SSPN: variants seen among roughly 807,000 people sequenced by gnomAD.
The protein encoded by SSPN is K-ras oncogene-associated protein.
In SSPN, 15 loss-of-function variants were observed where a neutral mutation model predicts 19.1. The observed-to-expected ratio is 0.78, with a 90% CI of 0.52 to 1.21. The LOEUF is 1.21. Ranked by LOEUF, SSPN falls within the 50% of genes most tolerant of loss-of-function variation. The pLI is 0.00. For synonymous variants in SSPN, 147 were observed against 140.3 expected (o/e 1.05, Z -0.34); for missense variants, 291 against 314.0 (o/e 0.93, Z 0.55).
chr12:26,142,332 G>A (rs1016634284), intron 1 of SSPN, among the ~76,000 whole-genome samples: 23 of 152,216 alleles, frequency 1.5e-4, no homozygotes, highest in Admixed American at 1.5e-3. Context: ...CCATTTTCAA[G>A]ATGAAAGGTT....
In SSPN at chr12:26,157,428, T is replaced by C. The variant is rs147438324; in HGVS notation, c.-31+35276T>C. Among the ~76,000 whole-genome samples, 24 of 152,334 alleles carry C rather than the reference T, an allele frequency of 1.6e-4. No homozygotes were observed. In the East Asian group the frequency reaches 2.7e-3, roughly 17 times the overall value. On this transcript the variant is annotated intron_variant, in intron 1 of 2. Transcript: ENST00000538142. Reference sequence around the variant, plus strand: ...TTATACATAAGCATTTCTGAGTAAATTGGAGTGAATTAACTTTGGTCCATT... The same window carrying C: ...TTATACATAAGCATTTCTGAGTAAACTGGAGTGAATTAACTTTGGTCCATT...
chr12:26,228,324 A>G (rs1945197368), intron 2 of SSPN, among the ~76,000 whole-genome samples: 1 of 151,364 alleles, frequency 6.6e-6, no homozygotes, highest in African/African-American at 2.4e-5. Flanking sequence ...GCTTCAACCC[A>G]GGAGGCAGAA....
At chr12:26,204,595 TG>T (rs1233081062) in intron 1 of SSPN, among the ~76,000 whole-genome samples, 1 of 152,164 alleles carries the variant, frequency 6.6e-6, no homozygotes, top group African/African-American at 2.4e-5. Flanking sequence ...TGCTGTCCTG[TG>T]GGGGGTGGTG....
rs536684740 is a variant in SSPN, at chr12:26,225,135, G to T, written c.366+756G>T. On this transcript the variant is annotated intron_variant, in intron 2 of 2. Coordinates refer to ENST00000242729, the MANE Select transcript of SSPN (RefSeq NM_005086.5). ...CTTTAATCTTTTTTTTTTTAATTTG[G>T]TCCACTAACATTGTTTTTTCTTCTA... Among the ~76,000 whole-genome samples the T allele has an allele frequency of 3.3e-5, 5 of 150,320 alleles. No individual in the cohort carries two copies. The South Asian group carries it at 6.3e-4, about 19-fold the overall frequency.
intron 1 of SSPN, among the ~76,000 whole-genome samples, chr12:26,211,837 G>A (rs1351059744): frequency 6.6e-6 from 1 of 152,138 alleles, no homozygotes; most frequent in Non-Finnish European, 1.5e-5. Context: ...TAACTTTGGT[G>A]GGAAAAATTA....
At chr12:26,156,614 G>A (rs1374301526) in intron 1 of SSPN, among the ~76,000 whole-genome samples, 2 of 152,210 alleles carry the variant, frequency 1.3e-5, no homozygotes, top group East Asian at 1.9e-4. Context: ...ACAGTGAAAC[G>A]TGATGTGGAG....
At chr12:26,138,182 G>T (rs970325588) in intron 1 of SSPN, among the ~76,000 whole-genome samples, 1 of 151,982 alleles carries the variant, frequency 6.6e-6, no homozygotes, top group African/African-American at 2.4e-5. Context: ...TATAAACACT[G>T]AATTTTTAAA....
In SSPN at chr12:26,232,861, ATCACAC is replaced by A. The variant is rs1945248101; in HGVS notation, c.*1786_*1791del. 1 of 285,272 alleles carries A rather than the reference ATCACAC, an allele frequency of 3.5e-6. No homozygotes were observed. Among genetic ancestry groups the A allele is most frequent in the South Asian group, 1.3e-4 (1 of 7,428 alleles). The allele number at this position is 285,272 out of a possible 1,614,324, so 17.7% of individuals were successfully genotyped here. ...AGGATAAGTCTCTGGAGCAGAATTT[ATCACAC>A]ACAAAAGTTACACCAACAGAATACC... On this transcript the variant is annotated 3_prime_UTR_variant, in exon 3 of 3. Transcript: ENST00000242729.
In SSPN at chr12:26,234,762, T is replaced by C. The variant is rs1945268688; in HGVS notation, c.*3686T>C. 6.6e-6 allele frequency: 1 copy of C among 152,244 alleles called. No individual in the cohort carries two copies. The highest frequency in any genetic ancestry group is 1.5e-5 in the Non-Finnish European group (1 of 68,030). The allele number at this position is 152,244 out of a possible 1,614,324, so 9.4% of individuals were successfully genotyped here. On this transcript the variant is annotated 3_prime_UTR_variant, in exon 3 of 3. Transcript: ENST00000242729. The stretch of plus-strand genomic sequence containing the variant: ...CAGATTTTCTTTATTAATAAAATTT[T>C]CATAATCTCTGAAAACACTGTTTGG...
intron 1 of SSPN, among the ~76,000 whole-genome samples, chr12:26,169,595 T>G (rs11048421): frequency 9.3e-6 from 1 of 106,986 alleles, no homozygotes; most frequent in Non-Finnish European, 1.8e-5. Flanking sequence ...ATATATATAT[T>G]TTTTTTTCTT....
Position 26,184,242 on chromosome 12 carries a change from T to C in SSPN, c.-30-40051T>C, listed in dbSNP as rs1043277531. Among the ~76,000 whole-genome samples, 4 of 152,258 alleles carry C rather than the reference T, an allele frequency of 2.6e-5. No individual in the cohort carries two copies. The East Asian group carries it at 5.8e-4, about 22-fold the overall frequency. On this transcript the variant is annotated intron_variant, in intron 1 of 2. Coordinates refer to the SSPN transcript ENST00000538142. The stretch of plus-strand genomic sequence containing the variant: ...GCAAAGCACTGTGTATATTTATACA[T>C]TGAAGTTATTTACAACAACATATTT...
intron 1 of SSPN, among the ~76,000 whole-genome samples, chr12:26,157,693 G>T (rs149520930): frequency 6.6e-6 from 1 of 152,212 alleles, no homozygotes; most frequent in East Asian, 1.9e-4. Flanking sequence ...ACACTTCATG[G>T]CTATATTCTA....
intron 1 of SSPN, among the ~76,000 whole-genome samples, chr12:26,144,128 C>T (rs865997138): frequency 6.6e-6 from 1 of 152,158 alleles, no homozygotes; most frequent in South Asian, 2.1e-4. Flanking sequence ...CTGAAACCAT[C>T]GCCACCACCC....
At chr12:26,186,109 G>A (rs146222540) in intron 1 of SSPN, among the ~76,000 whole-genome samples, 19 of 152,210 alleles carry the variant, frequency 1.2e-4, no homozygotes, top group Non-Finnish European at 2.1e-4. Flanking sequence ...CTTAAGGGAC[G>A]GCAAGTGTTG....
intron 1 of SSPN, chr12:26,124,728 C>T (rs780566154): frequency 1.2e-6 from 2 of 1,614,234 alleles, no homozygotes; most frequent in Non-Finnish European, 1.7e-6. Context: ...CCTATAAAAT[C>T]TCTATGTTCC....
upstream of SSPN, among the ~76,000 whole-genome samples, chr12:26,194,182 T>C (rs1944806140): frequency 6.6e-6 from 1 of 152,236 alleles, no homozygotes; most frequent in Non-Finnish European, 1.5e-5. Flanking sequence ...AAATTTGCTC[T>C]AAGTGCTACT....
intron 1 of SSPN, among the ~76,000 whole-genome samples, chr12:26,128,226 T>TTG (rs376541681): frequency 4.0e-5 from 6 of 151,436 alleles, no homozygotes; most frequent in African/African-American, 1.2e-4. Flanking sequence ...GTGTGCACAT[T>TTG]TGTGTGTGTG....
rs1485506189 is a variant in SSPN, at chr12:26,231,429, G to A, written c.*353G>A. 6.7e-5 allele frequency: 13 copies of A among 194,812 alleles called. No individual in the cohort carries two copies. 12.1% of individuals were successfully genotyped at this position (194,812 alleles called of 1,614,324 possible). A position where few individuals can be genotyped will look rare whatever the true frequency, so the allele number is the denominator to read the frequency against. On this transcript the variant is annotated 3_prime_UTR_variant, in exon 3 of 3. Transcript: ENST00000242729. ...ATCTTCTTTCCTGTTAGTCCAGTTT[G>A]ATGGTGTGAATGGTGAATTTCAGGC...
intron 1 of SSPN, among the ~76,000 whole-genome samples, chr12:26,126,849 C>T (rs969629172): frequency 6.6e-6 from 1 of 152,208 alleles, no homozygotes; most frequent in Admixed American, 6.5e-5. Context: ...TTGCACCAAA[C>T]AGGCAATTTA....
Sources: allele counts gnomAD v4.1 joint callset (sites outside exome capture counted in the v4.1 genomes callset), GRCh38; gene constraint gnomAD v4.1.1; transcripts MANE v1.5; gene names NCBI Gene and HGNC (gene_info 2026-07-23, HGNC 2026-07-21).